The following BLCAP variants were observed in gnomAD, a reference collection of about 807,000 sequenced individuals.
BLCAP encodes the protein BLCAP apoptosis inducing factor, also known as apoptosis inducing factor BLCAP.
A neutral mutation model predicts 5.7 loss-of-function variants in BLCAP; 1 was observed. The observed-to-expected ratio is 0.18, with a 90% CI of 0.06 to 0.83. BLCAP has a LOEUF of 0.83. BLCAP is among the 40% of genes least tolerant of loss of function. BLCAP has a pLI of 0.71. For missense variants in BLCAP, 66 were observed against 107.6 expected, an observed-to-expected ratio of 0.61 and a Z score of 1.71; for synonymous variants, 48 against 49.4, an observed-to-expected ratio of 0.97 and a Z score of 0.11.
chr20:37,518,947 T>C lies in BLCAP; in HGVS notation c.228A>G (p.Pro76=), dbSNP rs1288306032. ...FLYHCSDSPL[P]ESAHDPGVVG... Reference sequence around the variant, plus strand: ...CAACGCCGGGATCATGCGCCGATTCTGGAAGCGGGGAATCGGAGCAGTGGT... The same window carrying C: ...CAACGCCGGGATCATGCGCCGATTCCGGAAGCGGGGAATCGGAGCAGTGGT... Residue 76 remains proline (P), a synonymous_variant, in exon 2 of 2, where the codon CCA becomes CCG. Transcript: ENST00000373537. 6.2e-7 allele frequency: 1 copy of C among 1,614,112 alleles called. No homozygotes were observed. Among genetic ancestry groups the C allele is most frequent in the Non-Finnish European group, 8.5e-7 (1 of 1,180,046 alleles).
In BLCAP at chr20:37,519,417, A is replaced by G. The variant is rs552870330; in HGVS notation, c.-176-67T>C. The G allele has an allele frequency of 2.8e-3, 789 of 281,560 alleles. 7 individuals carry two copies. Among genetic ancestry groups the G allele is most frequent in the Admixed American group, 5.9e-3 (93 of 15,860 alleles). The allele number at this position is 281,560 out of a possible 1,614,324, so 17.4% of individuals were successfully genotyped here. ...CAGACAGACAGACAAAAAAAAAAAA[A>G]AAAAAAGAAAAAAAAAAAAAAAACA... is the stretch of plus-strand genomic sequence containing the variant. On this transcript the variant is annotated intron_variant, in intron 1 of 1. Transcript: ENST00000373537.
At chr20:37,523,104 A>G in intron 1 of BLCAP, 1 of 247,510 alleles carries the variant, frequency 4.0e-6, no homozygotes, top group Non-Finnish European at 7.7e-6. Context: ...AGCCAGGGCC[A>G]TGCCAGCAGG....
intron 1 of BLCAP, 193 bp downstream of exon 1, chr20:37,527,600 G>A (rs913347725): frequency 8.5e-5 from 13 of 152,488 alleles, no homozygotes; most frequent in Middle Eastern, 3.4e-3. Context: ...GACCCCCCAA[G>A]GCCCAGGCTA....
intron 1 of BLCAP, chr20:37,526,542 C>G (rs1237245920): frequency 6.6e-6 from 1 of 151,074 alleles, no homozygotes; most frequent in Non-Finnish European, 1.5e-5. Flanking sequence ...AGGCAGGCAA[C>G]GCGTGGTTCT....
chr20:37,519,264 C>T lies in BLCAP; in HGVS notation c.-90G>A. The T allele has an allele frequency of 7.0e-7, 1 of 1,434,354 alleles. No individual in the cohort carries two copies. The highest frequency in any genetic ancestry group is 9.3e-7 in the Non-Finnish European group (1 of 1,075,416). The allele number at this position is 1,434,354 out of a possible 1,614,324, so 88.9% of individuals were successfully genotyped here. ...GAGCCAGCGGGCGCAGGCGGCTGCC[C>T]TCCGCTTTCTTCAACCCTCACTCTC... is the stretch of plus-strand genomic sequence containing the variant. On this transcript the variant is annotated 5_prime_UTR_variant, in exon 2 of 2. Coordinates refer to ENST00000373537, the MANE Select transcript of BLCAP (RefSeq NM_006698.4).
At chr20:37,519,420 A>G (rs1403781492) in intron 1 of BLCAP, 70 bp from the exon 2 acceptor site, 53 of 254,176 alleles carry the variant, frequency 2.1e-4, no homozygotes, top group Admixed American at 1.3e-3. Context: ...AAAAAAAAAA[A>G]AAAGAAAAAA....
intron 1 of BLCAP, among the ~76,000 whole-genome samples, chr20:37,520,013 T>C (rs971867121): frequency 3.3e-5 from 5 of 152,212 alleles, no homozygotes; most frequent in Admixed American, 2.0e-4. Context: ...CGAAAGTCAA[T>C]GTAGAAAAAA....
Position 37,518,646 on chromosome 20 carries a change from G to A in BLCAP, c.*265C>T, listed in dbSNP as rs2071456738. 5 of 493,562 alleles carry A rather than the reference G, an allele frequency of 1.0e-5. No homozygotes were observed. The highest frequency in any genetic ancestry group is 7.0e-5 in the South Asian group (3 of 42,634). The allele number at this position is 493,562 out of a possible 1,614,324, so 30.6% of individuals were successfully genotyped here. A position where few individuals can be genotyped will look rare whatever the true frequency, so the allele number is the denominator to read the frequency against. On this transcript the variant is annotated 3_prime_UTR_variant, in exon 2 of 2. Transcript: ENST00000373537. Reference sequence around the variant, plus strand: ...ACTCCTCACAGTAATGAGGCGAGAGGGGTGGTCATGCGGCCAGCCAGGACC... The same window carrying A: ...ACTCCTCACAGTAATGAGGCGAGAGAGGTGGTCATGCGGCCAGCCAGGACC...
At chr20:37,522,589 C>CTGGGGGGGGGGG (rs2147191110) in intron 1 of BLCAP, 1 of 662,398 alleles carries the variant, frequency 1.5e-6, no homozygotes, top group Non-Finnish European at 2.1e-6. Context: ...GGGGGTGGGG[C>CTGGGGGGGGGGG]GGGGGTGGGC....
intron 1 of BLCAP, among the ~76,000 whole-genome samples, chr20:37,524,863 C>A (rs1659339358): frequency 6.6e-6 from 1 of 152,154 alleles, no homozygotes; most frequent in Admixed American, 6.5e-5. Flanking sequence ...GCCTAGGGAA[C>A]CTGGACATGT....
At chr20:37,525,779 G>A (rs898754996) in intron 1 of BLCAP, among the ~76,000 whole-genome samples, 3 of 152,180 alleles carry the variant, frequency 2.0e-5, no homozygotes, top group Admixed American at 6.5e-5. Context: ...AATTGAAAAT[G>A]ACTAGTGTTT....
chr20:37,527,240 G>GTTT (rs890498833), intron 1 of BLCAP, among the ~76,000 whole-genome samples: 4 of 152,118 alleles, frequency 2.6e-5, no homozygotes, highest in Admixed American at 1.3e-4. Flanking sequence ...CACCCTTGAT[G>GTTT]TAAAGTTGGA....
At position 37,519,250 on chromosome 20, in the gene BLCAP, C is replaced by T; in HGVS notation, c.-76G>A. On this transcript the variant is annotated 5_prime_UTR_variant, in exon 2 of 2. Coordinates refer to ENST00000373537, the MANE Select transcript of BLCAP (RefSeq NM_006698.4). ...AACCGACCTAATGGGAGCCAGCGGG[C>T]GCAGGCGGCTGCCCTCCGCTTTCTT... is the stretch of plus-strand genomic sequence containing the variant. 2.0e-6 allele frequency: 3 copies of T among 1,475,622 alleles called. No individual in the cohort carries two copies. Among genetic ancestry groups the T allele is most frequent in the African/African-American group, 1.4e-5 (1 of 70,882 alleles). 91.4% of individuals were successfully genotyped at this position (1,475,622 alleles called of 1,614,324 possible). A position where few individuals can be genotyped will look rare whatever the true frequency, so the allele number is the denominator to read the frequency against.
chr20:37,521,392 G>T lies in BLCAP; in HGVS notation c.-176-2042C>A. 1.2e-6 allele frequency: 2 copies of T among 1,614,118 alleles called. No homozygotes were observed. The highest frequency in any genetic ancestry group is 2.2e-5 in the East Asian group (1 of 44,882). ...CATCATCGGCTGGTACATCTTCCGC[G>T]TGCTGCTGCAGGTAAGTCTGACGGG... On this transcript the variant is annotated intron_variant, in intron 1 of 1. Coordinates refer to ENST00000373537, the MANE Select transcript of BLCAP (RefSeq NM_006698.4). This position sits in a 1 kb window ranked among gnomAD's most constrained non-coding sequence, Gnocchi z 4.5.
In BLCAP at chr20:37,521,843, G is replaced by A. The variant is rs2071587409; in HGVS notation, c.-176-2493C>T. On this transcript the variant is annotated intron_variant, in intron 1 of 1. Transcript: ENST00000373537. This position sits in a 1 kb window ranked among gnomAD's most constrained non-coding sequence, Gnocchi z 4.5. ...ATTTAAAAAAACATATAGCGCTTGC[G>A]GGGGTGGAACAAAAAATAAGTTAGA... is the stretch of plus-strand genomic sequence containing the variant. 2 of 159,852 alleles carry A rather than the reference G, an allele frequency of 1.3e-5. No individual in the cohort carries two copies. 9.9% of individuals were successfully genotyped at this position (159,852 alleles called of 1,614,324 possible).
At chr20:37,522,712 A>C (rs753476868) in intron 1 of BLCAP, 2 of 1,611,870 alleles carry the variant, frequency 1.2e-6, no homozygotes, top group South Asian at 2.2e-5. Flanking sequence ...GGTGTCGCGG[A>C]CCGGGCGGCA....
At position 37,521,965 on chromosome 20, in the gene BLCAP, C is replaced by T. The variant is rs1225643399; in HGVS notation, c.-176-2615G>A. On this transcript the variant is annotated intron_variant, in intron 1 of 1. Transcript: ENST00000373537. This position sits in a 1 kb window ranked among gnomAD's most constrained non-coding sequence, Gnocchi z 4.5. ...AGTAGTTCACAGGAAAACAGAAAAACGCGCATTGCAGGAAAAATAAATCGG... is the reference window on the plus strand; with the variant it reads ...AGTAGTTCACAGGAAAACAGAAAAATGCGCATTGCAGGAAAAATAAATCGG... Among the ~76,000 whole-genome samples, 2 of 145,166 alleles carry T rather than the reference C, an allele frequency of 1.4e-5. No homozygotes were observed. Among genetic ancestry groups the T allele is most frequent in the African/African-American group, 2.5e-5 (1 of 39,442 alleles).
intron 1 of BLCAP, among the ~76,000 whole-genome samples, chr20:37,525,984 A>G (rs2071711451): frequency 6.6e-6 from 1 of 152,174 alleles, no homozygotes; most frequent in Admixed American, 6.5e-5. Context: ...TTCTTAGCCT[A>G]ACGAACTGAA....
rs1302929002 is a variant in BLCAP at position 37,517,462 on chromosome 20, G to A, written c.*1449C>T. 1.3e-5 allele frequency: 2 copies of A among 152,480 alleles called. No homozygotes were observed. Among genetic ancestry groups the A allele is most frequent in the African/African-American group, 2.4e-5 (1 of 41,394 alleles). The allele number at this position is 152,480 out of a possible 1,614,324, so 9.4% of individuals were successfully genotyped here. A position where few individuals can be genotyped will look rare whatever the true frequency, so the allele number is the denominator to read the frequency against. On this transcript the variant is annotated 3_prime_UTR_variant, in exon 2 of 2. Transcript: ENST00000373537. ...TAAACATTTCAAACAGCTGTGCAAC[G>A]AACACACCAAATAAAAGCTCTAGAA...
Sources: allele counts gnomAD v4.1 joint callset (sites outside exome capture counted in the v4.1 genomes callset), GRCh38; gene constraint gnomAD v4.1.1; non-coding constraint Gnocchi (gnomAD v3.1); transcripts MANE v1.5; gene names NCBI Gene and HGNC (gene_info 2026-07-23, HGNC 2026-07-21).